The following CFAP20DC variants were observed in gnomAD, a reference collection of about 807,000 sequenced individuals.
CFAP20DC encodes the protein protein CFAP20DC.
Under a neutral mutation model 101.7 loss-of-function variants are expected in CFAP20DC, and 84 were observed. That is an observed-to-expected ratio of 0.83 (90% CI 0.69 to 0.99). CFAP20DC has a LOEUF of 0.99. Among genes scored for constraint, CFAP20DC ranks in the 50% least tolerant of loss-of-function variants. CFAP20DC has a pLI of 0.00. For synonymous variants in CFAP20DC, 359 were observed against 351.2 expected, an observed-to-expected ratio of 1.02 and a Z score of -0.25; for missense variants, 1,007 against 970.3, an observed-to-expected ratio of 1.04 and a Z score of -0.50.
intron 3 of CFAP20DC, among the ~76,000 whole-genome samples, chr3:58,733,189 G>A (rs990934692): frequency 1.3e-5 from 2 of 151,968 alleles, no homozygotes; most frequent in African/African-American, 4.8e-5. Flanking sequence ...AAAAATAGCT[G>A]GGCGTGGTGG....
rs2082542426 is a variant in CFAP20DC, at chr3:58,894,871, A to T, written c.551-10162T>A. ...TCAAGGTGGAGGTTCCCAAACCTCA[A>T]TTCTTGACTTCTGTGCACTTGCAGG... On this transcript the variant is annotated intron_variant, in intron 6 of 16. Transcript: ENST00000482387. This position sits in a 1 kb window ranked among gnomAD's most constrained non-coding sequence, Gnocchi z 4.1. 6.6e-6 allele frequency among the ~76,000 whole-genome samples: 1 copy of T among 152,238 alleles called. No homozygotes were observed. Among genetic ancestry groups the T allele is most frequent in the Non-Finnish European group, 1.5e-5 (1 of 68,040 alleles).
intron 15 of CFAP20DC, among the ~76,000 whole-genome samples, chr3:58,786,745 A>G (rs1008111945): frequency 6.6e-6 from 1 of 151,870 alleles, no homozygotes; most frequent in Non-Finnish European, 1.5e-5. Context: ...GTTTCCTTTA[A>G]GTAAAAACCG....
At chr3:58,739,494 T>TA (rs2067833291), downstream of CFAP20DC, among the ~76,000 whole-genome samples, 1 of 152,218 alleles carries the variant, frequency 6.6e-6, no homozygotes, top group Admixed American at 6.5e-5. Flanking sequence ...ATTAAAGTCT[T>TA]AAAATGAAAA....
rs770565615 is a variant in CFAP20DC, at chr3:58,912,996, C to T, written c.550+712G>A. On this transcript the variant is annotated intron_variant, in intron 6 of 16. Transcript: ENST00000482387. The surrounding 1 kb of genome is among the most constrained non-coding windows in gnomAD (Gnocchi z 4.4). ...GACTTTCCCACACAATGAGTCCTGC[C>T]TCCTTAGTCAGGAATCAGACATTGC... Among the ~76,000 whole-genome samples the T allele has an allele frequency of 6.6e-6, 1 of 152,130 alleles. No homozygotes were observed. The highest frequency in any genetic ancestry group is 6.6e-5 in the Admixed American group (1 of 15,262).
chr3:58,852,510 C>G (rs2078342140), intron 12 of CFAP20DC, among the ~76,000 whole-genome samples: 2 of 152,122 alleles, frequency 1.3e-5, no homozygotes, highest in African/African-American at 4.8e-5. Context: ...CTACAGAACT[C>G]TCCACCCCAA....
chr3:58,774,111 C>T (rs2071102684), intron 15 of CFAP20DC, among the ~76,000 whole-genome samples: 1 of 151,306 alleles, frequency 6.6e-6, no homozygotes, highest in Non-Finnish European at 1.5e-5. Flanking sequence ...TGAAAATTCT[C>T]AAGGAAGTCA....
chr3:58,772,347 C>T (rs1307280914), intron 15 of CFAP20DC, among the ~76,000 whole-genome samples: 1 of 151,780 alleles, frequency 6.6e-6, no homozygotes, highest in Non-Finnish European at 1.5e-5. Flanking sequence ...TATAAATGTC[C>T]CCAAAATACA....
At chr3:58,938,407 C>T (rs2088016476) in intron 4 of CFAP20DC, among the ~76,000 whole-genome samples, 1 of 152,152 alleles carries the variant, frequency 6.6e-6, no homozygotes. Flanking sequence ...TTGATAGAGG[C>T]TCATTTTTAT....
chr3:58,813,030 A>T (rs1441344003), intron 14 of CFAP20DC, among the ~76,000 whole-genome samples: 1 of 151,906 alleles, frequency 6.6e-6, no homozygotes, highest in Non-Finnish European at 1.5e-5. Flanking sequence ...ATTTAGTCTC[A>T]GTGTTAGTAA....
intron 6 of CFAP20DC, among the ~76,000 whole-genome samples, chr3:58,907,619 G>A (rs1298922041): frequency 6.6e-6 from 1 of 152,120 alleles, no homozygotes; most frequent in Non-Finnish European, 1.5e-5. Context: ...GTTGGTGCAG[G>A]ATCACAGCAA....
At chr3:58,982,591 C>T (rs1258261267) in intron 4 of CFAP20DC, among the ~76,000 whole-genome samples, 1 of 150,940 alleles carries the variant, frequency 6.6e-6, no homozygotes, top group African/African-American at 2.4e-5. Flanking sequence ...TTATTCTAAG[C>T]AAACTATCAC....
At chr3:58,902,599 T>C (rs998199024) in intron 6 of CFAP20DC, among the ~76,000 whole-genome samples, 2 of 152,194 alleles carry the variant, frequency 1.3e-5, no homozygotes, top group Admixed American at 1.3e-4. Flanking sequence ...TTCAAGTCCT[T>C]TGATTATTTT....
intron 4 of CFAP20DC, among the ~76,000 whole-genome samples, chr3:58,979,948 G>A (rs2092454058): frequency 6.6e-6 from 1 of 151,996 alleles, no homozygotes; most frequent in African/African-American, 2.4e-5. Flanking sequence ...GATTGGTAGT[G>A]ACTGTCTGGA....
intron 15 of CFAP20DC, among the ~76,000 whole-genome samples, chr3:58,777,226 C>T (rs2071414263): frequency 6.6e-6 from 1 of 152,188 alleles, no homozygotes; most frequent in Non-Finnish European, 1.5e-5. Context: ...TGTCTCTTAC[C>T]TACCTATGAC....
chr3:58,932,694 A>G (rs1007827890), intron 5 of CFAP20DC, among the ~76,000 whole-genome samples: 2 of 152,200 alleles, frequency 1.3e-5, no homozygotes, highest in African/African-American at 2.4e-5. Flanking sequence ...GTGAAGGAGA[A>G]ATAAAATCCT....
At chr3:58,764,471 C>T (rs888498087) in intron 15 of CFAP20DC, among the ~76,000 whole-genome samples, 4 of 152,142 alleles carry the variant, frequency 2.6e-5, no homozygotes, top group Admixed American at 2.0e-4. Flanking sequence ...ATTCCCTGAC[C>T]CCTTGCGCTT....
At chr3:59,036,173 C>A (rs1004677249) in intron 4 of CFAP20DC, among the ~76,000 whole-genome samples, 3 of 152,092 alleles carry the variant, frequency 2.0e-5, no homozygotes, top group African/African-American at 7.2e-5. Flanking sequence ...GTATTTATGA[C>A]AAACCCATAG....
rs895232782 is a variant in CFAP20DC at position 58,784,357 on chromosome 3, G to A, written c.2237+22038C>T. On this transcript the variant is annotated intron_variant, in intron 15 of 16. Transcript: ENST00000482387. ...AAAGACTATAGCAACAATAGAAACT[G>A]GGGACTACTATAGGTAGAAGGAAGG... Among the ~76,000 whole-genome samples the A allele has an allele frequency of 1.8e-4, 27 of 151,934 alleles. 1 individual carries two copies. The highest frequency in any genetic ancestry group is 2.2e-4 in the Non-Finnish European group (15 of 67,914).
At chr3:58,919,838 T>C (rs2085148696) in intron 5 of CFAP20DC, among the ~76,000 whole-genome samples, 1 of 152,176 alleles carries the variant, frequency 6.6e-6, no homozygotes, top group Non-Finnish European at 1.5e-5. Flanking sequence ...GATTTTGGTA[T>C]ATTGACTTAT....
Sources: gnomAD v4.1 joint callset for allele counts (sites outside exome capture counted in the v4.1 genomes callset) on GRCh38, gnomAD v4.1.1 for gene constraint, Gnocchi (gnomAD v3.1) non-coding constraint, MANE v1.5 for transcripts, NCBI Gene and HGNC (gene_info 2026-07-23, HGNC 2026-07-21) for gene names.